CADM2: variants seen among roughly 807,000 people sequenced by gnomAD.
CADM2 encodes cell adhesion molecule 2, also known as immunoglobulin superfamily member 4D.
Under a neutral mutation model 49.8 loss-of-function variants are expected in CADM2, and 12 were observed. The ratio of observed to expected loss-of-function variants is 0.24; its 90% CI spans 0.15 to 0.39. CADM2 has a LOEUF of 0.39. Ranked by LOEUF, CADM2 falls within the 10% of genes least tolerant of loss-of-function variation. The probability of loss-of-function intolerance (pLI) is 1.00; values close to 1 mark genes in which losing one functional copy is unlikely to be tolerated. For missense variants in CADM2, 378 were observed against 492.3 expected (o/e 0.77, Z 2.20); for synonymous variants, 214 against 175.4 (o/e 1.22, Z -1.74).
intron 1 of CADM2, among the ~76,000 whole-genome samples, chr3:85,049,109 C>T (rs1045952450): frequency 2.0e-5 from 3 of 152,018 alleles, no homozygotes; most frequent in Non-Finnish European, 4.4e-5. Context: ...GTGATTCATT[C>T]CGATGAGGAT....
At chr3:85,478,632 A>C (rs1293151611) in intron 1 of CADM2, among the ~76,000 whole-genome samples, 1 of 151,954 alleles carries the variant, frequency 6.6e-6, no homozygotes, top group Non-Finnish European at 1.5e-5. Context: ...TTGCAGAAAC[A>C]AGTTTAATAA....
intron 1 of CADM2, among the ~76,000 whole-genome samples, chr3:85,439,890 T>C (rs2037119151): frequency 6.6e-6 from 1 of 152,228 alleles, no homozygotes; most frequent in African/African-American, 2.4e-5. Context: ...TTCCTACCTG[T>C]ATAATGTAAA....
At chr3:85,401,202 G>A (rs925814126) in intron 1 of CADM2, among the ~76,000 whole-genome samples, 8 of 152,084 alleles carry the variant, frequency 5.3e-5, no homozygotes, top group Non-Finnish European at 8.8e-5. Context: ...CCACAGCCCC[G>A]TTCAGGATCC....
At chr3:85,281,875 G>A (rs1202909025) in intron 1 of CADM2, among the ~76,000 whole-genome samples, 1 of 152,018 alleles carries the variant, frequency 6.6e-6, no homozygotes, top group African/African-American at 2.4e-5. Flanking sequence ...ACTAAGGAAA[G>A]GCCTATTAGG....
At chr3:85,156,524 A>G (rs2040128551) in intron 1 of CADM2, among the ~76,000 whole-genome samples, 1 of 152,054 alleles carries the variant, frequency 6.6e-6, no homozygotes. Context: ...AGATGGATTC[A>G]CAGCCAAATT....
intron 1 of CADM2, among the ~76,000 whole-genome samples, chr3:85,710,318 G>T (rs1486669151): frequency 6.6e-6 from 1 of 152,034 alleles, no homozygotes; most frequent in Non-Finnish European, 1.5e-5. Flanking sequence ...GTGTGGAAAT[G>T]ATCTTTCTAA....
chr3:85,858,143 T>C (rs1577490787), intron 3 of CADM2, among the ~76,000 whole-genome samples: 1 of 152,230 alleles, frequency 6.6e-6, no homozygotes, highest in Non-Finnish European at 1.5e-5. Context: ...CCTTTAGCTA[T>C]GGGACGGTCT....
chr3:85,368,046 A>G (rs2107306515), intron 1 of CADM2, among the ~76,000 whole-genome samples: 1 of 152,260 alleles, frequency 6.6e-6, no homozygotes, highest in African/African-American at 2.4e-5. Context: ...CTAATTTATT[A>G]CACACAAAAA....
chr3:85,727,215 A>T (rs2107785272), intron 2 of CADM2, among the ~76,000 whole-genome samples: 1 of 152,252 alleles, frequency 6.6e-6, no homozygotes, highest in African/African-American at 2.4e-5. Flanking sequence ...TGTTTAGAGC[A>T]GTCTACATAT....
intron 1 of CADM2, among the ~76,000 whole-genome samples, chr3:85,088,994 C>T (rs2037493081): frequency 6.6e-6 from 1 of 152,058 alleles, no homozygotes; most frequent in Admixed American, 6.6e-5. Context: ...CACCTGATGA[C>T]ATGGGAATTT....
At chr3:85,505,703 G>T (rs1294922894) in intron 1 of CADM2, among the ~76,000 whole-genome samples, 1 of 152,102 alleles carries the variant, frequency 6.6e-6, no homozygotes, top group Non-Finnish European at 1.5e-5. Flanking sequence ...TTTTATCTGT[G>T]TACCAGTCAA....
At chr3:85,715,278 A>G (rs530480638) in intron 1 of CADM2, among the ~76,000 whole-genome samples, 16 of 152,312 alleles carry the variant, frequency 1.1e-4, no homozygotes, top group African/African-American at 2.6e-4. Context: ...AAATTTTTCA[A>G]AGAAGCATTA....
intron 1 of CADM2, among the ~76,000 whole-genome samples, chr3:85,689,544 A>G (rs936911922): frequency 1.3e-5 from 2 of 152,224 alleles, no homozygotes; most frequent in African/African-American, 4.8e-5. Flanking sequence ...AGAAGAAGTT[A>G]TCCAGAATTA....
intron 3 of CADM2, among the ~76,000 whole-genome samples, chr3:85,815,729 C>G (rs1577381525): frequency 6.6e-6 from 1 of 152,082 alleles, no homozygotes; most frequent in Admixed American, 6.6e-5. Context: ...CAACATAGTA[C>G]TGGAAGTTCT....
At chr3:85,389,152 T>C (rs1189879650) in intron 1 of CADM2, among the ~76,000 whole-genome samples, 1 of 152,054 alleles carries the variant, frequency 6.6e-6, no homozygotes, top group African/African-American at 2.4e-5. Context: ...TATGGCGCCA[T>C]AGAGTAATTG....
intron 1 of CADM2, among the ~76,000 whole-genome samples, chr3:85,611,632 G>A (rs577526941): frequency 3.0e-4 from 45 of 151,802 alleles, no homozygotes; most frequent in African/African-American, 1.1e-3. Flanking sequence ...AGAGTGAAGA[G>A]CTTTGGAGGC....
At chr3:85,485,860 T>A (rs2039394090) in intron 1 of CADM2, among the ~76,000 whole-genome samples, 1 of 152,088 alleles carries the variant, frequency 6.6e-6, no homozygotes, top group Admixed American at 6.6e-5. Flanking sequence ...TGGAAAAAGA[T>A]GATGAGTATG....
chr3:85,985,608 A>G (rs1466620698), intron 8 of CADM2, among the ~76,000 whole-genome samples: 1 of 152,118 alleles, frequency 6.6e-6, no homozygotes, highest in African/African-American at 2.4e-5. Context: ...TTTAGCCCAT[A>G]TAATGCCATT....
At chr3:84,984,611 A>G (rs891375171) in intron 1 of CADM2, among the ~76,000 whole-genome samples, 1 of 151,920 alleles carries the variant, frequency 6.6e-6, no homozygotes, top group Admixed American at 6.6e-5. Flanking sequence ...AAGAAAAAAA[A>G]AAAAGGTCAG....
Sources: allele counts gnomAD v4.1 joint callset (sites outside exome capture counted in the v4.1 genomes callset), GRCh38; gene constraint gnomAD v4.1.1; transcripts MANE v1.5; gene names NCBI Gene and HGNC (gene_info 2026-07-23, HGNC 2026-07-21).